The following ATP9A variants were observed in gnomAD, a reference collection of about 807,000 sequenced individuals.
ATP9A encodes the protein ATPase phospholipid transporting 9A, also known as probable phospholipid-transporting ATPase IIA.
In ATP9A, 52 loss-of-function variants were observed where a neutral mutation model predicts 144.1. That is an observed-to-expected ratio of 0.36 (90% CI 0.29 to 0.45). The LOEUF (loss-of-function observed/expected upper bound fraction) is 0.45, where lower values mean the gene tolerates loss of function less well. Among genes scored for constraint, ATP9A ranks in the 20% least tolerant of loss-of-function variants. ATP9A has a pLI of 1.00. For missense variants in ATP9A, 947 were observed against 1,392.7 expected, an observed-to-expected ratio of 0.68 and a Z score of 5.09; for synonymous variants, 582 against 557.4, an observed-to-expected ratio of 1.04 and a Z score of -0.62.
intron 1 of ATP9A, 121 bp downstream of exon 1, chr20:51,768,170 TCCCCAGCCCTG>T (rs1169095703): frequency 6.9e-5 from 28 of 405,778 alleles, no homozygotes; most frequent in Non-Finnish European, 2.2e-5. Context: ...CCTCCCCGCC[TCCCCAGCCCTG>T]CCCCAGGCTC....
intron 3 of ATP9A, among the ~76,000 whole-genome samples, chr20:51,719,078 A>G (rs2077676724): frequency 6.6e-6 from 1 of 151,548 alleles, no homozygotes; most frequent in Non-Finnish European, 1.5e-5. Flanking sequence ...CAGCGAGCCA[A>G]GATCGAGCCA....
chr20:51,733,032 T>A (rs1479194640), intron 1 of ATP9A, among the ~76,000 whole-genome samples: 4 of 151,996 alleles, frequency 2.6e-5, no homozygotes, highest in African/African-American at 9.7e-5. Flanking sequence ...TTTAAGAGAA[T>A]CACAAACTGT....
At chr20:51,677,752 C>T (rs1034355030) in intron 9 of ATP9A, among the ~76,000 whole-genome samples, 1 of 152,148 alleles carries the variant, frequency 6.6e-6, no homozygotes, top group Non-Finnish European at 1.5e-5. Context: ...CCTCCAGACA[C>T]AGTAAGAAAA....
At chr20:51,753,065 G>A (rs1309451017) in intron 1 of ATP9A, among the ~76,000 whole-genome samples, 1 of 151,372 alleles carries the variant, frequency 6.6e-6, no homozygotes, top group African/African-American at 2.4e-5. Context: ...TGGCGCCATT[G>A]CACTCCAGCG....
chr20:51,605,307 T>C (rs1044611215), intron 26 of ATP9A, among the ~76,000 whole-genome samples: 12 of 152,158 alleles, frequency 7.9e-5, no homozygotes, highest in South Asian at 2.1e-4. Flanking sequence ...AATAGAAAGT[T>C]AAATATAATA....
At chr20:51,707,347 CTCTGATGGACTCCCA>C (rs2077618802) in intron 4 of ATP9A, among the ~76,000 whole-genome samples, 1 of 152,132 alleles carries the variant, frequency 6.6e-6, no homozygotes, top group South Asian at 2.1e-4. Flanking sequence ...ACCAGATTCT[CTCTGATGGACTCCCA>C]TCACCCCTGG....
At position 51,601,365 on chromosome 20, in the gene ATP9A, G is replaced by T. The variant is rs746884091; in HGVS notation, c.3008-18C>A. On this transcript the variant is annotated intron_variant, in intron 27 of 27. Transcript: ENST00000338821. ...GTACACATCTGCAAGGAAAGGGGAA[G>T]ACGGCAGTGAGCAGGCAGGAATATT... The T allele has an allele frequency of 6.3e-7, 1 of 1,598,276 alleles. No individual in the cohort carries two copies. Among genetic ancestry groups the T allele is most frequent in the South Asian group, 1.1e-5 (1 of 88,062 alleles).
At chr20:51,695,144 G>GT (rs1431612799) in intron 6 of ATP9A, among the ~76,000 whole-genome samples, 8 of 152,020 alleles carry the variant, frequency 5.3e-5, no homozygotes, top group Admixed American at 5.2e-4. Flanking sequence ...GCCAGATAAG[G>GT]GAAAAACAGC....
intron 4 of ATP9A, among the ~76,000 whole-genome samples, chr20:51,706,074 TTGTCCATC>T (rs1278079890): frequency 5.9e-5 from 9 of 152,214 alleles, no homozygotes; most frequent in African/African-American, 2.2e-4. Flanking sequence ...TTTCAACAGT[TTGTCCATC>T]TGACAATGAG....
intron 5 of ATP9A, among the ~76,000 whole-genome samples, chr20:51,696,425 T>C (rs1028963851): frequency 1.3e-5 from 2 of 152,210 alleles, no homozygotes; most frequent in African/African-American, 2.4e-5. Flanking sequence ...ATTCAACCAT[T>C]ACCTCCCAAA....
At chr20:51,607,451 G>C (rs1358552000) in intron 26 of ATP9A, 76 bp downstream of exon 26, 19 of 1,335,754 alleles carry the variant, frequency 1.4e-5, no homozygotes, top group East Asian at 2.3e-5. Context: ...TTCTCTTCTT[G>C]TTCTACAGGC....
chr20:51,635,204 C>T (rs529020116), intron 15 of ATP9A, among the ~76,000 whole-genome samples: 14 of 152,180 alleles, frequency 9.2e-5, no homozygotes, highest in Admixed American at 7.9e-4. Context: ...GGGAGGCCCT[C>T]GTGGGAAGGC....
chr20:51,634,341 C>T (rs1006616694), intron 15 of ATP9A, among the ~76,000 whole-genome samples: 1 of 152,166 alleles, frequency 6.6e-6, no homozygotes, highest in Non-Finnish European at 1.5e-5. Flanking sequence ...CCAGGAAACA[C>T]CCCACCCACA....
chr20:51,635,818 AAGGAAGGGAGGG>A (rs1568795790), intron 15 of ATP9A, among the ~76,000 whole-genome samples: 14 of 101,534 alleles, frequency 1.4e-4, no homozygotes, highest in Non-Finnish European at 1.3e-4. Flanking sequence ...GGAAGGAAGG[AAGGAAGGGAGGG>A]AGGGAGGGAG....
intron 14 of ATP9A, among the ~76,000 whole-genome samples, chr20:51,645,009 A>T (rs919101197): frequency 2.6e-5 from 4 of 152,238 alleles, no homozygotes; most frequent in Non-Finnish European, 5.9e-5. Context: ...ATGCCCAGCT[A>T]CAGACCCCAC....
rs1306165020 is a variant in ATP9A at position 51,619,568 on chromosome 20, A to G, written c.2116-525T>C. On this transcript the variant is annotated intron_variant, in intron 19 of 27. Coordinates refer to ENST00000338821, the MANE Select transcript of ATP9A (RefSeq NM_006045.3). ...AACAGAGCAAGACTCGTCTTTTAAA[A>G]AAAAAAAAGGGGGGGGGGGGCCAGG... 5.6e-5 allele frequency among the ~76,000 whole-genome samples: 4 copies of G among 71,962 alleles called. No individual in the cohort carries two copies. The East Asian group carries it at 9.2e-4, about 17-fold the overall frequency. The allele number at this position is 71,962 out of a possible 152,430, so 47.2% of individuals were successfully genotyped here. A position where few individuals can be genotyped will look rare whatever the true frequency, so the allele number is the denominator to read the frequency against.
chr20:51,621,209 G>A (rs2077225677), intron 19 of ATP9A, among the ~76,000 whole-genome samples: 1 of 151,648 alleles, frequency 6.6e-6, no homozygotes, highest in South Asian at 2.1e-4. Flanking sequence ...AATATCAAGA[G>A]TACTGATTTG....
intron 2 of ATP9A, 39 bp from the exon 3 acceptor site, chr20:51,725,971 C>T (rs2077710733): frequency 8.3e-7 from 1 of 1,198,016 alleles, no homozygotes; most frequent in Admixed American, 1.7e-5. Context: ...ACATTCAGGG[C>T]TTGTCTGATG....
rs773321590 is a variant in ATP9A at position 51,689,155 on chromosome 20, C to A, written c.724-16G>T. The A allele has an allele frequency of 1.2e-6, 2 of 1,613,146 alleles. No homozygotes were observed. Among genetic ancestry groups the A allele is most frequent in the Admixed American group, 3.3e-5 (2 of 59,990 alleles). ...CGCTGTCTTCCTGGAAAAGACCAAA[C>A]GGACACACGTTCACCCCCCAAAGCT... On this transcript the variant is annotated splice_polypyrimidine_tract_variant and intron_variant, in intron 8 of 27. Coordinates refer to ENST00000338821, the MANE Select transcript of ATP9A (RefSeq NM_006045.3).
Sources: allele counts gnomAD v4.1 joint callset (sites outside exome capture counted in the v4.1 genomes callset), GRCh38; gene constraint gnomAD v4.1.1; transcripts MANE v1.5; gene names NCBI Gene and HGNC (gene_info 2026-07-23, HGNC 2026-07-21).